SYN3: variants seen among roughly 807,000 people sequenced by gnomAD.
SYN3 encodes the protein synapsin-3.
A neutral mutation model predicts 65.8 loss-of-function variants in SYN3; 35 were observed. The ratio of observed to expected loss-of-function variants is 0.53; its 90% confidence interval spans 0.41 to 0.70. SYN3 has a LOEUF of 0.70. Ranked by LOEUF, SYN3 falls within the 30% of genes least tolerant of loss-of-function variation. The pLI is 0.00. For synonymous variants in SYN3, 270 were observed against 292.9 expected, an observed-to-expected ratio of 0.92 and a Z score of 0.80; for missense variants, 680 against 749.0, an observed-to-expected ratio of 0.91 and a Z score of 1.08.
chr22:32,598,152 T>C (rs912790408), intron 6 of SYN3, among the ~76,000 whole-genome samples: 1 of 152,150 alleles, frequency 6.6e-6, no homozygotes, highest in African/African-American at 2.4e-5. Flanking sequence ...CAGCACTGTC[T>C]GTCCTCTTAC....
At chr22:32,994,112 T>C (rs1277801976) in intron 2 of SYN3, among the ~76,000 whole-genome samples, 4 of 151,870 alleles carry the variant, frequency 2.6e-5, no homozygotes, top group Admixed American at 2.0e-4. Context: ...CGGAGAGGGG[T>C]CAGCACTTGA....
chr22:32,722,050 C>T (rs542477690), intron 6 of SYN3, among the ~76,000 whole-genome samples: 66 of 152,190 alleles, frequency 4.3e-4, no homozygotes, highest in Middle Eastern at 3.4e-3. Flanking sequence ...AGCAAATGAG[C>T]GAGAGGAAGA....
intron 9 of SYN3, among the ~76,000 whole-genome samples, chr22:32,534,996 C>T (rs2058139687): frequency 6.6e-6 from 1 of 152,130 alleles, no homozygotes; most frequent in Admixed American, 6.5e-5. Flanking sequence ...GACTCACACC[C>T]ATGGAGCTCC....
At chr22:32,994,468 C>CA (rs1170081563) in intron 2 of SYN3, among the ~76,000 whole-genome samples, 1 of 152,186 alleles carries the variant, frequency 6.6e-6, no homozygotes, top group Admixed American at 6.5e-5. Flanking sequence ...TCTCCACCCC[C>CA]AGCCCCTCCA....
intron 6 of SYN3, among the ~76,000 whole-genome samples, chr22:32,603,161 G>C (rs374331417): frequency 1.3e-5 from 2 of 151,950 alleles, no homozygotes; most frequent in Non-Finnish European, 2.9e-5. Flanking sequence ...GGCCAGGAAC[G>C]GGACCAGGCA....
chr22:32,898,027 C>T (rs954194546), intron 4 of SYN3, among the ~76,000 whole-genome samples: 4 of 151,940 alleles, frequency 2.6e-5, no homozygotes, highest in Non-Finnish European at 4.4e-5. Context: ...CAGAGTTTCG[C>T]TCTTGTTGCC....
intron 1 of SYN3, among the ~76,000 whole-genome samples, chr22:33,054,289 C>A (rs2054220037): frequency 1.3e-5 from 2 of 152,172 alleles, no homozygotes; most frequent in South Asian, 2.1e-4. Flanking sequence ...GTTTTACGGG[C>A]ATCTCCAAGA....
chr22:32,548,994 C>T (rs1009275886), intron 7 of SYN3, among the ~76,000 whole-genome samples: 8 of 152,050 alleles, frequency 5.3e-5, no homozygotes, highest in African/African-American at 1.9e-4. Context: ...CGGCCTAGAG[C>T]TGTGGATGGA....
chr22:32,683,384 T>C (rs1012561996), intron 6 of SYN3, among the ~76,000 whole-genome samples: 35 of 152,262 alleles, frequency 2.3e-4, no homozygotes, highest in Middle Eastern at 3.4e-3. Flanking sequence ...CCATACTTTT[T>C]ATGCCCTCAG....
At chr22:32,994,545 C>G (rs538031658) in intron 2 of SYN3, among the ~76,000 whole-genome samples, 1 of 152,272 alleles carries the variant, frequency 6.6e-6, no homozygotes, top group East Asian at 1.9e-4. Context: ...CAAGGAGAGC[C>G]TTAGGGGTAG....
At chr22:32,857,332 G>A (rs771800947) in intron 6 of SYN3, 1 of 1,614,080 alleles carries the variant, frequency 6.2e-7, no homozygotes, top group African/African-American at 1.3e-5. Context: ...TTAAGCTGGA[G>A]GTCAACAAGT....
chr22:32,852,902 C>T (rs2048263101), intron 6 of SYN3, among the ~76,000 whole-genome samples: 1 of 152,152 alleles, frequency 6.6e-6, no homozygotes, highest in Non-Finnish European at 1.5e-5. Context: ...GAAACCGATC[C>T]ACTGTGCCAG....
At chr22:32,708,435 G>T (rs2060909544) in intron 6 of SYN3, among the ~76,000 whole-genome samples, 1 of 152,200 alleles carries the variant, frequency 6.6e-6, no homozygotes, top group African/African-American at 2.4e-5. Flanking sequence ...CCCCGTGCAG[G>T]AGGTGTACTT....
rs12157696 is a variant in SYN3, at chr22:32,937,538, C to T, written c.370-6057G>A. ...GGAAGCAAGCACTATCCTCATATGG[C>T]AGAGAAGCAGGAGAGAGAGAGAGCA... On this transcript the variant is annotated intron_variant, in intron 3 of 13. Transcript: ENST00000358763. Among the ~76,000 whole-genome samples, 1,493 of 152,156 alleles carry T rather than the reference C, an allele frequency of 9.8e-3. 22 individuals carry two copies. Among genetic ancestry groups the T allele is most frequent in the African/African-American group, 0.034 (1,426 of 41,488 alleles).
intron 1 of SYN3, among the ~76,000 whole-genome samples, chr22:33,033,842 G>C (rs1025556651): frequency 6.6e-5 from 10 of 152,130 alleles, no homozygotes; most frequent in African/African-American, 2.4e-4. Flanking sequence ...GCAGACGCAA[G>C]GCCAAAGCCA....
intron 6 of SYN3, among the ~76,000 whole-genome samples, chr22:32,836,804 C>G (rs893579314): frequency 6.6e-6 from 1 of 152,170 alleles, no homozygotes; most frequent in Non-Finnish European, 1.5e-5. Flanking sequence ...AAAGCCTACA[C>G]TATTTTAAAA....
At chr22:32,889,041 T>C (rs1481692300) in intron 4 of SYN3, among the ~76,000 whole-genome samples, 1 of 152,208 alleles carries the variant, frequency 6.6e-6, no homozygotes, top group Non-Finnish European at 1.5e-5. Context: ...TTGCCAGACA[T>C]GGCATCCCAA....
At chr22:32,793,106 A>C (rs1047422386) in intron 6 of SYN3, among the ~76,000 whole-genome samples, 9 of 152,216 alleles carry the variant, frequency 5.9e-5, no homozygotes, top group African/African-American at 2.2e-4. Flanking sequence ...ACTAATGCCA[A>C]GTTCCCTTCT....
intron 6 of SYN3, among the ~76,000 whole-genome samples, chr22:32,642,054 C>T (rs912886336): frequency 9.9e-5 from 15 of 152,066 alleles, no homozygotes; most frequent in African/African-American, 3.6e-4. Context: ...CTTTGGGAGG[C>T]AGCGGCAGGT....
Sources: gnomAD v4.1 joint callset for allele counts (sites outside exome capture counted in the v4.1 genomes callset) on GRCh38, gnomAD v4.1.1 for gene constraint, MANE v1.5 for transcripts, NCBI Gene and HGNC (gene_info 2026-07-23, HGNC 2026-07-21) for gene names.